PLCB1: variants seen among roughly 807,000 people sequenced by gnomAD.
The protein encoded by PLCB1 is phospholipase C beta 1, also known as 1-phosphatidylinositol 4,5-bisphosphate phosphodiesterase beta-1.
Under a neutral mutation model 161.8 loss-of-function variants are expected in PLCB1, and 46 were observed. The ratio of observed to expected loss-of-function variants is 0.28; its 90% confidence interval spans 0.22 to 0.36. PLCB1 has a LOEUF of 0.36. PLCB1 is among the 10% of genes least tolerant of loss of function. The pLI is 1.00. For missense variants in PLCB1, 1,016 were observed against 1,472.5 expected (o/e 0.69, Z 5.07); for synonymous variants, 517 against 503.7 (o/e 1.03, Z -0.35).
intron 3 of PLCB1, among the ~76,000 whole-genome samples, chr20:8,537,971 A>G (rs1244613301): frequency 6.6e-6 from 1 of 152,206 alleles, no homozygotes; most frequent in African/African-American, 2.4e-5. Context: ...ACAACTAAGG[A>G]AGTAAATGAA....
At chr20:8,788,385 G>C in intron 27 of PLCB1, 64 bp from the exon 28 acceptor site, 1 of 1,420,116 alleles carries the variant, frequency 7.0e-7, no homozygotes, top group Non-Finnish European at 9.8e-7. Context: ...TTGTTTGAGG[G>C]AGGTGGGAAG....
At chr20:8,313,723 C>G (rs1984515218) in intron 2 of PLCB1, among the ~76,000 whole-genome samples, 1 of 152,172 alleles carries the variant, frequency 6.6e-6, no homozygotes, top group Non-Finnish European at 1.5e-5. Flanking sequence ...GAATCTTGCT[C>G]CTACTCACTG....
chr20:8,708,588 A>G, intron 11 of PLCB1, 82 bp from the exon 12 acceptor site: 6 of 826,252 alleles, frequency 7.3e-6, no homozygotes, highest in Non-Finnish European at 1.0e-5. Context: ...AAAGACAACT[A>G]TATTAATAGA....
intron 3 of PLCB1, among the ~76,000 whole-genome samples, chr20:8,545,320 G>T (rs1348326857): frequency 6.6e-6 from 1 of 152,192 alleles, no homozygotes; most frequent in Admixed American, 6.5e-5. Flanking sequence ...GGAAGAGGAG[G>T]CTAAAGAAGG....
chr20:8,834,101 C>T (rs6056191), intron 31 of PLCB1, among the ~76,000 whole-genome samples: 42,498 of 151,934 alleles, frequency 0.28, 6,213 homozygotes, highest in Middle Eastern at 0.41. Flanking sequence ...TGAGCATGTA[C>T]TATGTGCCAG....
At chr20:8,303,043 T>C (rs1983979136) in intron 2 of PLCB1, among the ~76,000 whole-genome samples, 1 of 152,176 alleles carries the variant, frequency 6.6e-6, no homozygotes, top group Non-Finnish European at 1.5e-5. Context: ...CTTCCAGAGA[T>C]TGGAAATATC....
At chr20:8,794,781 C>T (rs760918783) in intron 31 of PLCB1, among the ~76,000 whole-genome samples, 11 of 150,702 alleles carry the variant, frequency 7.3e-5, no homozygotes, top group Non-Finnish European at 1.5e-4. Context: ...TTTTCTAAGC[C>T]ATTGGTAAAT....
At chr20:8,646,547 C>G (rs1261341166) in intron 5 of PLCB1, among the ~76,000 whole-genome samples, 1 of 152,152 alleles carries the variant, frequency 6.6e-6, no homozygotes, top group Non-Finnish European at 1.5e-5. Flanking sequence ...AATTATTAAT[C>G]TGAGGAACAG....
chr20:8,290,403 ATGGGCAGC>A (rs1318260612), intron 2 of PLCB1, among the ~76,000 whole-genome samples: 2 of 152,180 alleles, frequency 1.3e-5, no homozygotes, highest in Admixed American at 1.3e-4. Flanking sequence ...AAGTCATATT[ATGGGCAGC>A]TGGTGTTCAA....
intron 31 of PLCB1, among the ~76,000 whole-genome samples, chr20:8,853,789 A>G (rs750877274): frequency 9.9e-5 from 15 of 152,226 alleles, no homozygotes; most frequent in Non-Finnish European, 2.1e-4. Context: ...TGACACTCAG[A>G]ATAAGACGCT....
chr20:8,809,975 G>A (rs962415145), intron 31 of PLCB1, among the ~76,000 whole-genome samples: 5 of 152,106 alleles, frequency 3.3e-5, no homozygotes, highest in Non-Finnish European at 5.9e-5. Flanking sequence ...AATACTAAGC[G>A]TAACACCTGA....
chr20:8,826,177 G>A (rs1260320120), intron 31 of PLCB1, among the ~76,000 whole-genome samples: 3 of 152,114 alleles, frequency 2.0e-5, no homozygotes, highest in African/African-American at 7.2e-5. Context: ...TGGAAGGAAA[G>A]TGGAGAGAAT....
chr20:8,298,275 A>G (rs1218564155), intron 2 of PLCB1, among the ~76,000 whole-genome samples: 2 of 148,360 alleles, frequency 1.3e-5, no homozygotes, highest in Non-Finnish European at 3.0e-5. Flanking sequence ...ATACTGTGTG[A>G]CAGAGCAAGA....
intron 3 of PLCB1, among the ~76,000 whole-genome samples, chr20:8,453,304 A>G (rs1981157488): frequency 6.6e-6 from 1 of 152,236 alleles, no homozygotes. Context: ...AACTGTTGTG[A>G]AGGATAGAGA....
rs1226761559 is a variant in PLCB1 at position 8,789,574 on chromosome 20, G to A, written c.3335G>A (p.Arg1112Lys). The change falls in exon 30 of 32, where the codon AGG becomes AAG. Residue 1112 changes from arginine (R) to lysine (K), a missense_variant and splice_region_variant. By Grantham distance (26) the Arg-to-Lys change is conservative (BLOSUM62 2). Transcript: ENST00000338037. The stretch of plus-strand genomic sequence containing the variant: ...CAGGAAGTGGTGCAGTATATCAAGA[G>A]GGTATGTGGGCTCATCACGCTCTCT... Reference protein sequence around the residue: ...YIQEVVQYIKRLEEAQSKRQE... With the variant: ...YIQEVVQYIKKLEEAQSKRQE... 7 of 1,606,386 alleles carry A rather than the reference G, an allele frequency of 4.4e-6. No homozygotes were observed. Among genetic ancestry groups the A allele is most frequent in the Non-Finnish European group, 6.0e-6 (7 of 1,172,956 alleles).
At chr20:8,832,173 G>A (rs1207949146) in intron 31 of PLCB1, among the ~76,000 whole-genome samples, 1 of 151,990 alleles carries the variant, frequency 6.6e-6, no homozygotes, top group African/African-American at 2.4e-5. Context: ...TATTTTATTG[G>A]CCTAGGAATG....
In PLCB1 at chr20:8,789,565, A is replaced by G. The variant is rs747642151; in HGVS notation, c.3326A>G (p.Tyr1109Cys). The G allele has an allele frequency of 2.0e-5, 33 of 1,610,680 alleles. No individual in the cohort carries two copies. Among genetic ancestry groups the G allele is most frequent in the Non-Finnish European group, 2.5e-5 (30 of 1,176,960 alleles). Residue 1109 changes from tyrosine (Y) to cysteine (C), a missense_variant, in exon 30 of 32, where the codon TAT becomes TGT. Coordinates refer to ENST00000338037, the MANE Select transcript of PLCB1 (RefSeq NM_015192.4). ...IRSYIQEVVQ[Y>C]IKRLEEAQSK... Reference sequence around the variant, plus strand: ...TCATATATCCAGGAAGTGGTGCAGTATATCAAGAGGGTATGTGGGCTCATC... The same window carrying G: ...TCATATATCCAGGAAGTGGTGCAGTGTATCAAGAGGGTATGTGGGCTCATC...
intron 31 of PLCB1, among the ~76,000 whole-genome samples, chr20:8,823,752 A>T (rs1312220329): frequency 1.3e-5 from 2 of 152,132 alleles, no homozygotes; most frequent in Non-Finnish European, 2.9e-5. Flanking sequence ...TCCTGTTTCC[A>T]TCAGGGAACA....
chr20:8,626,980 CTT>C (rs1478424582), intron 3 of PLCB1, among the ~76,000 whole-genome samples: 1 of 152,032 alleles, frequency 6.6e-6, no homozygotes, highest in African/African-American at 2.4e-5. Flanking sequence ...TTTAATAAAA[CTT>C]TTGATATAGA....
Sources: gnomAD v4.1 joint callset for allele counts (sites outside exome capture counted in the v4.1 genomes callset) on GRCh38, gnomAD v4.1.1 for gene constraint, MANE v1.5 for transcripts, NCBI Gene and HGNC (gene_info 2026-07-23, HGNC 2026-07-21) for gene names.